The following STPG2 variants were observed in gnomAD, a reference collection of about 807,000 sequenced individuals.
The protein encoded by STPG2 is sperm tail PG-rich repeat containing 2, also known as sperm-tail PG-rich repeat-containing protein 2.
In STPG2, 56 loss-of-function variants were observed where a neutral mutation model predicts 54.2. The ratio of observed to expected loss-of-function variants is 1.03; its 90% CI spans 0.83 to 1.29. STPG2 has a LOEUF of 1.29. Ranked by LOEUF, STPG2 falls within the 50% of genes most tolerant of loss-of-function variation. The pLI is 0.00. For missense variants in STPG2, 596 were observed against 544.9 expected, an observed-to-expected ratio of 1.09 and a Z score of -0.93; for synonymous variants, 200 against 181.8, an observed-to-expected ratio of 1.10 and a Z score of -0.81.
chr4:98,078,300 T>C (rs577176079), intron 5 of STPG2, among the ~76,000 whole-genome samples: 2 of 152,248 alleles, frequency 1.3e-5, no homozygotes, highest in South Asian at 2.1e-4. Flanking sequence ...TGGAAACTTA[T>C]ATGAAAAAAC....
intron 9 of STPG2, among the ~76,000 whole-genome samples, chr4:97,761,208 T>A (rs571989785): frequency 6.6e-6 from 1 of 152,308 alleles, no homozygotes; most frequent in African/African-American, 2.4e-5. Context: ...TACTTCAGAA[T>A]GTACCTTATT....
chr4:98,130,824 T>A (rs6858374), intron 2 of STPG2, among the ~76,000 whole-genome samples: 83,752 of 147,890 alleles, frequency 0.57, 23,995 homozygotes, highest in African/African-American at 0.69. Context: ...CAAGAAGCTG[T>A]GGCAGGAGAA....
intron 7 of STPG2, among the ~76,000 whole-genome samples, chr4:97,970,579 A>C (rs926184560): frequency 2.0e-5 from 3 of 152,208 alleles, no homozygotes; most frequent in Non-Finnish European, 4.4e-5. Flanking sequence ...CTATTTAATA[A>C]ATGATGTTGG....
chr4:97,826,427 A>G (rs577498991), intron 9 of STPG2, among the ~76,000 whole-genome samples: 1 of 152,322 alleles, frequency 6.6e-6, no homozygotes, highest in East Asian at 1.9e-4. Flanking sequence ...GTGCAAACAT[A>G]TTGGCTAAAG....
At chr4:97,833,202 C>A (rs775792260) in intron 9 of STPG2, among the ~76,000 whole-genome samples, 11 of 152,070 alleles carry the variant, frequency 7.2e-5, no homozygotes, top group Non-Finnish European at 1.5e-4. Context: ...TCAGAAATAA[C>A]ACCACGCATC....
intron 7 of STPG2, among the ~76,000 whole-genome samples, chr4:97,955,139 G>C (rs909899044): frequency 6.6e-6 from 1 of 151,630 alleles, no homozygotes; most frequent in Non-Finnish European, 1.5e-5. Context: ...AAAAAAAGTA[G>C]TGAATTAAAT....
chr4:97,621,777 T>C (rs1012385350), intron 10 of STPG2, among the ~76,000 whole-genome samples: 4 of 152,192 alleles, frequency 2.6e-5, no homozygotes, highest in African/African-American at 4.8e-5. Flanking sequence ...ACTCATTCTA[T>C]GAGGACAGCA....
At chr4:97,903,484 G>A (rs954473128) in intron 8 of STPG2, among the ~76,000 whole-genome samples, 4 of 150,744 alleles carry the variant, frequency 2.7e-5, no homozygotes, top group African/African-American at 9.7e-5. Flanking sequence ...GTAAATAAAG[G>A]AGAAAAATAA....
chr4:97,884,397 T>C (rs1002691413), intron 8 of STPG2, among the ~76,000 whole-genome samples: 1 of 152,094 alleles, frequency 6.6e-6, no homozygotes, highest in African/African-American at 2.4e-5. Context: ...CCTAATCCAA[T>C]ATAAGTTCAA....
chr4:97,966,866 C>A (rs1205328619), intron 7 of STPG2, among the ~76,000 whole-genome samples: 8 of 152,108 alleles, frequency 5.3e-5, no homozygotes, highest in Admixed American at 2.6e-4. Flanking sequence ...GAAGCACTAA[C>A]CATGGAAACA....
intron 8 of STPG2, among the ~76,000 whole-genome samples, chr4:97,915,493 TC>T: frequency 1.3e-5 from 2 of 152,164 alleles, no homozygotes; most frequent in East Asian, 3.9e-4. Context: ...TACATGTTGT[TC>T]CCTATGATTC....
intron 5 of STPG2, among the ~76,000 whole-genome samples, chr4:98,009,969 A>G (rs1025906200): frequency 6.6e-6 from 1 of 151,536 alleles, no homozygotes; most frequent in Non-Finnish European, 1.5e-5. Flanking sequence ...TTCATTTCTG[A>G]TTATATTTAT....
intron 3 of STPG2, among the ~76,000 whole-genome samples, chr4:98,123,566 T>A (rs1454914639): frequency 6.6e-6 from 1 of 152,228 alleles, no homozygotes; most frequent in African/African-American, 2.4e-5. Context: ...TTCATTATGA[T>A]TTCAGTTCTT....
At chr4:97,451,043 A>G (rs149122481) in intron 4 of STPG2, among the ~76,000 whole-genome samples, 104 of 152,262 alleles carry the variant, frequency 6.8e-4, no homozygotes, top group Admixed American at 3.6e-3. Flanking sequence ...CAGAGGGGGA[A>G]GTATGGGTTA....
chr4:98,035,857 A>G (rs564911106), intron 5 of STPG2, among the ~76,000 whole-genome samples: 72 of 152,268 alleles, frequency 4.7e-4, no homozygotes, highest in Non-Finnish European at 9.3e-4. Context: ...CAGAAAATCA[A>G]ACACTGCATG....
In STPG2 at chr4:98,076,585, T is replaced by C. The variant is rs532677026; in HGVS notation, c.612+29368A>G. 1.4e-3 allele frequency among the ~76,000 whole-genome samples: 217 copies of C among 152,336 alleles called. 1 individual carries two copies. Among genetic ancestry groups the C allele is most frequent in the African/African-American group, 4.4e-3 (182 of 41,580 alleles). ...TGATTTTTGACATTAAAAGCAGTTATAGATATTTCAAAGTTTATGTCCTTC... is the reference window on the plus strand; with the variant it reads ...TGATTTTTGACATTAAAAGCAGTTACAGATATTTCAAAGTTTATGTCCTTC... On this transcript the variant is annotated intron_variant, in intron 5 of 10. Transcript: ENST00000295268.
chr4:97,851,730 A>G (rs561642412), intron 8 of STPG2, among the ~76,000 whole-genome samples: 1 of 152,210 alleles, frequency 6.6e-6, no homozygotes, highest in Non-Finnish European at 1.5e-5. Flanking sequence ...AATTTGATTA[A>G]TATTTAATGT....
chr4:97,870,699 A>G (rs1303966178), intron 8 of STPG2, among the ~76,000 whole-genome samples: 1 of 151,394 alleles, frequency 6.6e-6, no homozygotes, highest in East Asian at 1.9e-4. Context: ...CTTGAGAATA[A>G]TAGGTAGAAG....
chr4:98,091,739 T>C (rs1418846328), intron 5 of STPG2, among the ~76,000 whole-genome samples: 2 of 152,062 alleles, frequency 1.3e-5, no homozygotes, highest in Non-Finnish European at 2.9e-5. Context: ...TATTAACAAA[T>C]GTCAGACACT....
Sources: allele counts gnomAD v4.1 joint callset (sites outside exome capture counted in the v4.1 genomes callset), GRCh38; gene constraint gnomAD v4.1.1; transcripts MANE v1.5; gene names NCBI Gene and HGNC (gene_info 2026-07-23, HGNC 2026-07-21).